PLCE1: variants seen among roughly 807,000 people sequenced by gnomAD.
PLCE1 encodes the protein phospholipase C epsilon 1, also known as 1-phosphatidylinositol 4,5-bisphosphate phosphodiesterase epsilon-1.
Under a neutral mutation model 242.8 loss-of-function variants are expected in PLCE1, and 119 were observed. That is an observed-to-expected ratio of 0.49 (90% confidence interval 0.42 to 0.57). PLCE1 has a LOEUF of 0.57. PLCE1 is among the 20% of genes least tolerant of loss of function. The probability of loss-of-function intolerance (pLI) is 0.00; values close to 1 mark genes in which losing one functional copy is unlikely to be tolerated. For missense variants in PLCE1, 2,441 were observed against 2,788.8 expected (o/e 0.88, Z 2.81); for synonymous variants, 945 against 1,017.4 (o/e 0.93, Z 1.35).
intron 4 of PLCE1, among the ~76,000 whole-genome samples, chr10:94,197,721 G>A (rs533847994): frequency 6.6e-6 from 1 of 152,202 alleles, no homozygotes; most frequent in East Asian, 1.9e-4. Flanking sequence ...AGTGGCTCAC[G>A]CCTGTAATCC....
intron 2 of PLCE1, among the ~76,000 whole-genome samples, chr10:94,036,880 C>T (rs2134572051): frequency 6.6e-6 from 1 of 152,292 alleles, no homozygotes; most frequent in Admixed American, 6.5e-5. Flanking sequence ...AGAAATTCCA[C>T]TGGCTCCTGT....
In PLCE1 at chr10:94,286,572, T is replaced by C. The variant is rs2052456530; in HGVS notation, c.5035+1607T>C. On this transcript the variant is annotated intron_variant, in intron 22 of 32. Transcript: ENST00000371380. The stretch of plus-strand genomic sequence containing the variant: ...TTATTTAATGATATGATAAAAATCA[T>C]ATATTTCATGATATTAAAATCATTT... Among the ~76,000 whole-genome samples, 3 of 152,210 alleles carry C rather than the reference T, an allele frequency of 2.0e-5. No individual in the cohort carries two copies. The South Asian group carries it at 6.2e-4, about 32-fold the overall frequency.
At chr10:94,079,600 T>A (rs988311927) in intron 2 of PLCE1, among the ~76,000 whole-genome samples, 2 of 152,078 alleles carry the variant, frequency 1.3e-5, no homozygotes, top group African/African-American at 4.8e-5. Flanking sequence ...AAGTATAATT[T>A]AAAAAAAGAA....
chr10:94,044,502 A>C (rs1254957376), intron 2 of PLCE1, among the ~76,000 whole-genome samples: 1 of 152,256 alleles, frequency 6.6e-6, no homozygotes. Context: ...AGGTAAAACT[A>C]TATGTTTTGT....
At chr10:94,234,383 G>T (rs1454058041) in intron 6 of PLCE1, 71 bp downstream of exon 6, 5 of 1,483,674 alleles carry the variant, frequency 3.4e-6, no homozygotes, top group South Asian at 1.1e-5. Context: ...CCCTGTCTGT[G>T]CTCACCAAAG....
chr10:94,125,342 G>C (rs571792277), intron 2 of PLCE1, among the ~76,000 whole-genome samples: 1 of 152,132 alleles, frequency 6.6e-6, no homozygotes, highest in African/African-American at 2.4e-5. Context: ...AACAGCACTA[G>C]CTTAGACATG....
At chr10:94,124,044 A>T (rs950743706) in intron 2 of PLCE1, among the ~76,000 whole-genome samples, 7 of 152,218 alleles carry the variant, frequency 4.6e-5, no homozygotes, top group Non-Finnish European at 1.0e-4. Context: ...AATAATGATC[A>T]TCAAAATAAT....
intron 2 of PLCE1, among the ~76,000 whole-genome samples, chr10:94,072,152 C>G (rs1023674422): frequency 1.3e-5 from 2 of 152,196 alleles, no homozygotes; most frequent in Non-Finnish European, 2.9e-5. Flanking sequence ...TAATGTTTGT[C>G]TGTTGTTATT....
chr10:94,224,783 G>A (rs933020147), intron 4 of PLCE1, among the ~76,000 whole-genome samples: 29 of 152,362 alleles, frequency 1.9e-4, no homozygotes, highest in African/African-American at 6.7e-4. Flanking sequence ...TCTTGCTCTA[G>A]TGAGCCAGGG....
rs201422605 is a variant in PLCE1 at position 94,234,130 on chromosome 10, A to C, written c.2032A>C (p.Met678Leu). The change falls in exon 6 of 33, where the codon ATG becomes CTG. Residue 678 changes from methionine to leucine, a missense_variant. By Grantham distance (15) the Met-to-Leu change is conservative. This residue lies in a region of PLCE1 where 733 missense variants were observed against 754.2 expected (regional missense o/e 0.97). Coordinates refer to ENST00000371380, the MANE Select transcript of PLCE1 (RefSeq NM_016341.4). ...IETMRSLKDA[M>L]AQHESSCEYR... ...GACCATGAGGAGCCTGAAGGATGCT[A>C]TGGCCCAGCATGAGTCCTCTTGTGA... 6 of 1,613,750 alleles carry C rather than the reference A, an allele frequency of 3.7e-6. No homozygotes were observed. The African/African-American group carries it at 8.0e-5, about 22-fold the overall frequency.
intron 3 of PLCE1, among the ~76,000 whole-genome samples, chr10:94,170,541 T>A (rs553853503): frequency 2.0e-5 from 3 of 152,334 alleles, no homozygotes; most frequent in South Asian, 2.1e-4. Flanking sequence ...CAGTTAAGAT[T>A]TATTTATTTA....
At chr10:94,067,885 A>G (rs553959155) in intron 2 of PLCE1, among the ~76,000 whole-genome samples, 72 of 152,320 alleles carry the variant, frequency 4.7e-4, no homozygotes, top group African/African-American at 1.7e-3. Context: ...AGCTTGGAGC[A>G]GGTGGAGAAG....
At chr10:94,317,955 G>C (rs2053635082) in intron 29 of PLCE1, among the ~76,000 whole-genome samples, 1 of 152,160 alleles carries the variant, frequency 6.6e-6, no homozygotes, top group African/African-American at 2.4e-5. Context: ...GTGCTTGCCT[G>C]ATAGAAGGTG....
chr10:94,108,913 T>G (rs188077117), intron 2 of PLCE1: 2 of 152,248 alleles, frequency 1.3e-5, no homozygotes, highest in African/African-American at 4.8e-5. Context: ...ACTTTGTCTC[T>G]TAAGAGCACT....
At chr10:94,130,725 A>G (rs901131059) in intron 2 of PLCE1, among the ~76,000 whole-genome samples, 2 of 152,198 alleles carry the variant, frequency 1.3e-5, no homozygotes, top group African/African-American at 4.8e-5. Flanking sequence ...AATATATACC[A>G]CCAGACAGAG....
In PLCE1 at chr10:94,298,302, A is replaced by G. The variant is rs1186964443; in HGVS notation, c.5168-77A>G. The stretch of plus-strand genomic sequence containing the variant: ...TTATATGCTATGACTGTTTACTGGG[A>G]TGTTGTTCAGGTTTATCTTTCTAAA... On this transcript the variant is annotated intron_variant, in intron 23 of 32. Coordinates refer to ENST00000371380, the MANE Select transcript of PLCE1 (RefSeq NM_016341.4). This position sits in a 1 kb window ranked among gnomAD's most constrained non-coding sequence, Gnocchi z 5.2. 1.5e-6 allele frequency: 2 copies of G among 1,295,922 alleles called. No individual in the cohort carries two copies. The highest frequency in any genetic ancestry group is 1.2e-5 in the South Asian group (1 of 83,308). 80.3% of individuals were successfully genotyped at this position (1,295,922 alleles called of 1,614,324 possible).
At chr10:94,024,588 A>G (rs2061426239) in intron 1 of PLCE1, among the ~76,000 whole-genome samples, 1 of 152,136 alleles carries the variant, frequency 6.6e-6, no homozygotes, top group African/African-American at 2.4e-5. Context: ...GTTTGTAGCC[A>G]TCTTACCTTC....
rs1403613108 is a variant in PLCE1, at chr10:94,328,498, A to G, written c.*555A>G. 2 of 152,362 alleles carry G rather than the reference A, an allele frequency of 1.3e-5. No individual in the cohort carries two copies. The highest frequency in any genetic ancestry group is 2.9e-5 in the Non-Finnish European group (2 of 68,138). The allele number at this position is 152,362 out of a possible 1,614,324, so 9.4% of individuals were successfully genotyped here. ...TTCTTAATTCAGGGGCCATACAAAA[A>G]CAGGTGGCAGGCTAGATTTGGCCCA... On this transcript the variant is annotated 3_prime_UTR_variant, in exon 33 of 33. Transcript: ENST00000371380.
intron 2 of PLCE1, chr10:94,089,384 T>A (rs754584747): frequency 1.3e-6 from 2 of 1,567,654 alleles, no homozygotes; most frequent in South Asian, 2.4e-5. Flanking sequence ...CAGGTAAGGG[T>A]TCTTGTTGTC....
Sources: allele counts gnomAD v4.1 joint callset (sites outside exome capture counted in the v4.1 genomes callset), GRCh38; gene constraint gnomAD v4.1.1; regional missense constraint gnomAD v4.1.1; non-coding constraint Gnocchi (gnomAD v3.1); transcripts MANE v1.5; gene names NCBI Gene and HGNC (gene_info 2026-07-23, HGNC 2026-07-21).